NRG1: variants seen among roughly 807,000 people sequenced by gnomAD.
The protein encoded by NRG1 is pro-neuregulin-1, membrane-bound isoform.
Under a neutral mutation model 63.8 loss-of-function variants are expected in NRG1, and 18 were observed. The ratio of observed to expected loss-of-function variants is 0.28; its 90% confidence interval spans 0.19 to 0.42. The LOEUF (loss-of-function observed/expected upper bound fraction) is 0.42. Ranked by LOEUF, NRG1 falls within the 10% of genes least tolerant of loss-of-function variation. The pLI, the probability that NRG1 is intolerant of heterozygous loss-of-function variation, is 1.00. For synonymous variants in NRG1, 302 were observed against 301.3 expected (o/e 1.00, Z -0.02); for missense variants, 762 against 814.7 (o/e 0.94, Z 0.79).
intron 1 of NRG1, among the ~76,000 whole-genome samples, chr8:32,419,705 A>G (rs1816434413): frequency 6.6e-6 from 1 of 152,220 alleles, no homozygotes. Flanking sequence ...CAGAATTCAA[A>G]ACATTTTTAA....
At chr8:32,626,474 A>G (rs994037380) in intron 5 of NRG1, among the ~76,000 whole-genome samples, 1 of 151,410 alleles carries the variant, frequency 6.6e-6, no homozygotes, top group Non-Finnish European at 1.5e-5. Flanking sequence ...AGGTCAGGAG[A>G]TCGAGACCAT....
intron 5 of NRG1, among the ~76,000 whole-genome samples, chr8:32,668,074 G>A (rs574322318): frequency 6.6e-6 from 1 of 152,148 alleles, no homozygotes; most frequent in East Asian, 1.9e-4. Context: ...TTAGCCAGGT[G>A]TAATGGTGGG....
intron 1 of NRG1, among the ~76,000 whole-genome samples, chr8:31,765,353 A>G (rs1313458005): frequency 6.6e-6 from 1 of 152,032 alleles, no homozygotes; most frequent in East Asian, 1.9e-4. Context: ...ACTGGCTAGA[A>G]CTTCCAGTAC....
At chr8:32,128,005 G>A (rs1425974564) in intron 1 of NRG1, among the ~76,000 whole-genome samples, 1 of 151,854 alleles carries the variant, frequency 6.6e-6, no homozygotes. Context: ...ATCTAATAAA[G>A]TACATATATT....
At chr8:31,890,236 A>C (rs1831043513) in intron 1 of NRG1, among the ~76,000 whole-genome samples, 1 of 152,210 alleles carries the variant, frequency 6.6e-6, no homozygotes, top group African/African-American at 2.4e-5. Flanking sequence ...AGAAAATAGA[A>C]ATGGTTTAGA....
At chr8:32,279,483 G>C (rs1292441768) in intron 1 of NRG1, among the ~76,000 whole-genome samples, 1 of 152,160 alleles carries the variant, frequency 6.6e-6, no homozygotes, top group Non-Finnish European at 1.5e-5. Context: ...CTCCCAAGTA[G>C]CTGGGATTAC....
chr8:32,140,240 C>T (rs1341472233), intron 1 of NRG1, among the ~76,000 whole-genome samples: 2 of 152,104 alleles, frequency 1.3e-5, no homozygotes, highest in African/African-American at 4.8e-5. Context: ...TCTGCAATGT[C>T]ATTAAGCAGT....
downstream of NRG1, among the ~76,000 whole-genome samples, chr8:32,768,468 T>C (rs1026510165): frequency 2.0e-5 from 3 of 152,162 alleles, no homozygotes; most frequent in Admixed American, 6.5e-5. Flanking sequence ...TGACTTTCCA[T>C]TGGGCCCACA....
intron 1 of NRG1, among the ~76,000 whole-genome samples, chr8:32,461,123 G>A (rs542463239): frequency 6.6e-6 from 1 of 151,796 alleles, no homozygotes; most frequent in Non-Finnish European, 1.5e-5. Context: ...AACAATTCTG[G>A]CTCCTACTCT....
intron 1 of NRG1, among the ~76,000 whole-genome samples, chr8:32,467,838 T>A: frequency 6.6e-6 from 1 of 152,142 alleles, no homozygotes; most frequent in East Asian, 1.9e-4. Flanking sequence ...GCTCCTTCAA[T>A]TTCAGTTCTT....
chr8:32,705,383 G>A (rs1420819565), intron 5 of NRG1, among the ~76,000 whole-genome samples: 6 of 152,124 alleles, frequency 3.9e-5, no homozygotes, highest in Admixed American at 6.5e-5. Context: ...TGCCCGCCTC[G>A]GCCTCCCAAA....
At chr8:31,744,797 C>T (rs527684747) in intron 1 of NRG1, among the ~76,000 whole-genome samples, 6 of 151,886 alleles carry the variant, frequency 4.0e-5, no homozygotes, top group Non-Finnish European at 7.4e-5. Context: ...TTGGTATTTT[C>T]CTTGTAAAAC....
At chr8:32,014,665 G>A (rs550820131) in intron 1 of NRG1, among the ~76,000 whole-genome samples, 29 of 151,438 alleles carry the variant, frequency 1.9e-4, no homozygotes, top group African/African-American at 2.4e-4. Flanking sequence ...CCAATTTGTC[G>A]TCTCACTCTC....
At chr8:32,746,223 A>G (rs1005834620) in intron 7 of NRG1, among the ~76,000 whole-genome samples, 1 of 152,152 alleles carries the variant, frequency 6.6e-6, no homozygotes, top group African/African-American at 2.4e-5. Flanking sequence ...GGATTGGCAT[A>G]TGTGAAAAAA....
At chr8:32,157,163 G>C (rs547169815) in intron 1 of NRG1, among the ~76,000 whole-genome samples, 90 of 151,106 alleles carry the variant, frequency 6.0e-4, no homozygotes, top group Admixed American at 2.8e-3. Context: ...TTGAAGTCAG[G>C]AGTTCAAGAC....
chr8:31,953,730 A>C (rs1015593803), intron 1 of NRG1, among the ~76,000 whole-genome samples: 3 of 152,208 alleles, frequency 2.0e-5, no homozygotes, highest in Non-Finnish European at 4.4e-5. Flanking sequence ...CTGCCTTCTC[A>C]GTCATTTCAA....
chr8:32,104,190 C>T (rs562086320), intron 1 of NRG1, among the ~76,000 whole-genome samples: 116 of 152,304 alleles, frequency 7.6e-4, no homozygotes, highest in Admixed American at 3.5e-3. Flanking sequence ...GCCTCTTACT[C>T]CTAGGCTACA....
exon 1 of NRG1, chr8:32,548,410 G>T: frequency 9.1e-7 from 1 of 1,097,046 alleles, no homozygotes; most frequent in East Asian, 5.5e-5. Context: ...ACCTCTCCCC[G>T]ATCGGGTTGC....
rs772620596 is a variant in NRG1 at position 31,640,669 on chromosome 8, C to A, written c.37+1238C>A. The A allele has an allele frequency of 1.0e-5, 16 of 1,607,766 alleles. No individual in the cohort carries two copies. The highest frequency in any genetic ancestry group is 1.7e-5 in the Admixed American group (1 of 59,614). ...GGCCGCCTTCCGAGCCTCTTTCCCC[C>A]CTCTGGAGACGGGCCGGAACCTCAA... On this transcript the variant is annotated intron_variant, in intron 1 of 10. Coordinates refer to the NRG1 transcript ENST00000519301. This position sits in a 1 kb window ranked among gnomAD's most constrained non-coding sequence, Gnocchi z 6.3.
Sources: gnomAD v4.1 joint callset for allele counts (sites outside exome capture counted in the v4.1 genomes callset) on GRCh38, gnomAD v4.1.1 for gene constraint, Gnocchi (gnomAD v3.1) non-coding constraint, MANE v1.5 for transcripts, NCBI Gene and HGNC (gene_info 2026-07-23, HGNC 2026-07-21) for gene names.